ADGRF5: variants seen among roughly 807,000 people sequenced by gnomAD.
The protein encoded by ADGRF5 is adhesion G protein-coupled receptor F5.
A neutral mutation model predicts 132.3 loss-of-function variants in ADGRF5; 75 were observed. The ratio of observed to expected loss-of-function variants is 0.57; its 90% CI spans 0.47 to 0.69. ADGRF5 has a LOEUF of 0.69. Ranked by LOEUF, ADGRF5 falls within the 30% of genes least tolerant of loss-of-function variation. The pLI is 0.00. For synonymous variants in ADGRF5, 629 were observed against 597.6 expected, an observed-to-expected ratio of 1.05 and a Z score of -0.77; for missense variants, 1,516 against 1,630.6, an observed-to-expected ratio of 0.93 and a Z score of 1.21.
At chr6:46,894,851 T>A (rs1774007459) in intron 3 of ADGRF5, among the ~76,000 whole-genome samples, 1 of 152,244 alleles carries the variant, frequency 6.6e-6, no homozygotes, top group Non-Finnish European at 1.5e-5. Flanking sequence ...AATGATTATA[T>A]TTTATGCAGA....
intron 3 of ADGRF5, 41 bp downstream of exon 3, chr6:46,899,988 G>A (rs1774583960): frequency 1.4e-6 from 2 of 1,435,160 alleles, no homozygotes; most frequent in Non-Finnish European, 2.0e-6. Context: ...TACCATTTGA[G>A]TCAACTTATA....
chr6:46,941,815 A>C lies in ADGRF5; in HGVS notation c.-25+12919T>G, dbSNP rs9472918. ...ATCTCTTCTCTCCCCACACATAATT[A>C]TCTTCAGCCGAGATGCTTCATTATC... On this transcript the variant is annotated intron_variant, in intron 1 of 20. Transcript: ENST00000265417. Among the ~76,000 whole-genome samples, 3 of 152,030 alleles carry C rather than the reference A, an allele frequency of 2.0e-5. No individual in the cohort carries two copies. In the South Asian group the frequency reaches 6.2e-4, roughly 32 times the overall value.
intron 1 of ADGRF5, among the ~76,000 whole-genome samples, chr6:46,907,105 G>A (rs1054959263): frequency 6.6e-5 from 10 of 151,964 alleles, no homozygotes; most frequent in Non-Finnish European, 1.5e-4. Context: ...ATTCATTTTC[G>A]CTACATGCAA....
chr6:46,948,738 T>C (rs1778390567), intron 1 of ADGRF5, among the ~76,000 whole-genome samples: 1 of 152,208 alleles, frequency 6.6e-6, no homozygotes, highest in African/African-American at 2.4e-5. Context: ...CACCGGTCTC[T>C]GGAATATTTT....
At chr6:46,877,887 G>A (rs894254429) in intron 10 of ADGRF5, among the ~76,000 whole-genome samples, 3 of 152,184 alleles carry the variant, frequency 2.0e-5, no homozygotes, top group African/African-American at 7.2e-5. Flanking sequence ...AAAGGAAGGT[G>A]AGCACAAGCT....
chr6:46,857,011 T>C, intron 17 of ADGRF5, 103 bp from the exon 18 acceptor site: 1 of 892,598 alleles, frequency 1.1e-6, no homozygotes, highest in Non-Finnish European at 1.8e-6. Flanking sequence ...ACTACTTCTT[T>C]TTCCTTCTGA....
chr6:46,865,184 G>A lies in ADGRF5; in HGVS notation c.1848C>T (p.Asn616=), dbSNP rs745857684. 3.7e-6 allele frequency: 6 copies of A among 1,609,350 alleles called. No homozygotes were observed. In the East Asian group the frequency reaches 1.1e-4, roughly 30 times the overall value. ...SSSLPAAKEV[N]KKQVCYKHNF... ...TGTGTTTGTAGCACACTTGTTTTTTGTTAACTTCTTTTGCTGAAGACAGAA... is the reference window on the plus strand; with the variant it reads ...TGTGTTTGTAGCACACTTGTTTTTTATTAACTTCTTTTGCTGAAGACAGAA... Residue 616 remains asparagine (N), a synonymous_variant, in exon 14 of 21, where the codon AAC becomes AAT. Transcript: ENST00000283296.
intron 10 of ADGRF5, among the ~76,000 whole-genome samples, chr6:46,872,671 T>C (rs1055661445): frequency 8.5e-5 from 13 of 152,232 alleles, no homozygotes; most frequent in African/African-American, 3.1e-4. Flanking sequence ...CTTTCTTTCC[T>C]TTCCCAGAAA....
chr6:46,896,972 G>T (rs1774244150), intron 3 of ADGRF5, among the ~76,000 whole-genome samples: 1 of 151,868 alleles, frequency 6.6e-6, no homozygotes, highest in South Asian at 2.1e-4. Flanking sequence ...TAGGTTATAT[G>T]CAAATTGACA....
intron 1 of ADGRF5, among the ~76,000 whole-genome samples, chr6:46,910,786 T>G (rs979699705): frequency 3.9e-5 from 6 of 152,148 alleles, no homozygotes; most frequent in African/African-American, 1.4e-4. Context: ...TCTAGCCTCA[T>G]TTTGCCACTA....
At position 46,882,120 on chromosome 6, in the gene ADGRF5, G is replaced by T; in HGVS notation, c.613-13C>A. On this transcript the variant is annotated splice_polypyrimidine_tract_variant and intron_variant, in intron 6 of 20. Transcript: ENST00000283296. ...AACCCTTCCGGAACTGAAAAATAAA[G>T]CAAGATGAATGTCATATATCAAAGT... is the stretch of plus-strand genomic sequence containing the variant. The T allele has an allele frequency of 1.9e-6, 3 of 1,595,190 alleles. No homozygotes were observed. Among genetic ancestry groups the T allele is most frequent in the Non-Finnish European group, 2.6e-6 (3 of 1,163,050 alleles).
At chr6:46,945,259 T>G (rs541599886) in intron 1 of ADGRF5, among the ~76,000 whole-genome samples, 1 of 152,234 alleles carries the variant, frequency 6.6e-6, no homozygotes, top group Non-Finnish European at 1.5e-5. Context: ...AATTGTGATT[T>G]TGACTTTAAG....
chr6:46,857,236 G>A (rs886192832), intron 17 of ADGRF5, among the ~76,000 whole-genome samples: 1 of 152,162 alleles, frequency 6.6e-6, no homozygotes, highest in Non-Finnish European at 1.5e-5. Context: ...GCTATGGGGT[G>A]GGATAACTAG....
intron 1 of ADGRF5, among the ~76,000 whole-genome samples, chr6:46,911,967 T>A (rs965435927): frequency 6.6e-6 from 1 of 152,116 alleles, no homozygotes; most frequent in East Asian, 1.9e-4. Flanking sequence ...TGTTGAGGAC[T>A]TACTATATAC....
chr6:46,856,407 C>G (rs1769052295), intron 19 of ADGRF5, among the ~76,000 whole-genome samples: 1 of 152,180 alleles, frequency 6.6e-6, no homozygotes, highest in Admixed American at 6.5e-5. Flanking sequence ...CAGAAGATTG[C>G]TTCTCATTGA....
chr6:46,918,026 G>T (rs1455197531), intron 1 of ADGRF5, among the ~76,000 whole-genome samples: 1 of 152,242 alleles, frequency 6.6e-6, no homozygotes, highest in Non-Finnish European at 1.5e-5. Context: ...ACAGCACTTA[G>T]CAAGTCACTC....
intron 1 of ADGRF5, among the ~76,000 whole-genome samples, chr6:46,933,273 A>T (rs1777653073): frequency 6.6e-6 from 1 of 152,354 alleles, no homozygotes; most frequent in African/African-American, 2.4e-5. Context: ...TCGTTTTTAA[A>T]GAAAATACAA....
intron 10 of ADGRF5, among the ~76,000 whole-genome samples, chr6:46,873,403 T>C (rs1189285432): frequency 6.6e-6 from 1 of 152,144 alleles, no homozygotes; most frequent in Middle Eastern, 3.2e-3. Context: ...TGACCTCCCC[T>C]TTCCCGTATC....
At chr6:46,874,679 G>T (rs1771443431) in intron 10 of ADGRF5, among the ~76,000 whole-genome samples, 1 of 152,118 alleles carries the variant, frequency 6.6e-6, no homozygotes, top group Admixed American at 6.6e-5. Flanking sequence ...TGGAAAACTT[G>T]GCATTCCATC....
Sources: allele counts gnomAD v4.1 joint callset (sites outside exome capture counted in the v4.1 genomes callset), GRCh38; gene constraint gnomAD v4.1.1; transcripts MANE v1.5; gene names NCBI Gene and HGNC (gene_info 2026-07-23, HGNC 2026-07-21).